Variants in MVB12B observed in about 807,000 individuals in gnomAD.
MVB12B encodes multivesicular body subunit 12B.
MVB12B carries 16 observed loss-of-function variants against 41.6 expected under a neutral mutation model. The observed-to-expected ratio is 0.38, with a 90% confidence interval of 0.26 to 0.58. The LOEUF is 0.58. MVB12B is among the 20% of genes least tolerant of loss of function. The pLI is 0.62. For synonymous variants in MVB12B, 133 were observed against 139.7 expected, an observed-to-expected ratio of 0.95 and a Z score of 0.34; for missense variants, 274 against 380.2, an observed-to-expected ratio of 0.72 and a Z score of 2.32.
chr9:126,405,599 C>T (rs1270952953), intron 6 of MVB12B, among the ~76,000 whole-genome samples: 1 of 151,958 alleles, frequency 6.6e-6, no homozygotes, highest in Non-Finnish European at 1.5e-5. Flanking sequence ...AGCGATATTT[C>T]CCAGGATTTT....
At chr9:126,368,372 A>T (rs1307817079) in intron 2 of MVB12B, among the ~76,000 whole-genome samples, 1 of 152,316 alleles carries the variant, frequency 6.6e-6, no homozygotes, top group East Asian at 1.9e-4. Context: ...AAACATTGTT[A>T]TCCCAGATTC....
chr9:126,466,312 T>C (rs917099357), intron 7 of MVB12B, among the ~76,000 whole-genome samples: 8 of 152,178 alleles, frequency 5.3e-5, no homozygotes, highest in Non-Finnish European at 1.2e-4. Context: ...GCCTGTGTAC[T>C]TGGCCGACCC....
At position 126,395,149 on chromosome 9, in the gene MVB12B, G is replaced by A. The variant is rs1374495263; in HGVS notation, c.540-426G>A. ...TGCAAGAGGCTGTATCCTGAGATTGGAGTGTGTTATAGAGTAGGGGGCTAA... is the reference window on the plus strand; with the variant it reads ...TGCAAGAGGCTGTATCCTGAGATTGAAGTGTGTTATAGAGTAGGGGGCTAA... On this transcript the variant is annotated intron_variant, in intron 5 of 9. Coordinates refer to ENST00000361171, the MANE Select transcript of MVB12B (RefSeq NM_033446.3). This position sits in a 1 kb window ranked among gnomAD's most constrained non-coding sequence, Gnocchi z 4.9. Among the ~76,000 whole-genome samples, 1 of 152,206 alleles carries A rather than the reference G, an allele frequency of 6.6e-6. No homozygotes were observed. Among genetic ancestry groups the A allele is most frequent in the Non-Finnish European group, 1.5e-5 (1 of 68,030 alleles).
At chr9:126,378,566 C>T (rs1286312562) in intron 2 of MVB12B, among the ~76,000 whole-genome samples, 3 of 152,068 alleles carry the variant, frequency 2.0e-5, no homozygotes, top group Non-Finnish European at 4.4e-5. Flanking sequence ...CTTCTCTGCC[C>T]AGTACTGCCT....
At chr9:126,466,268 A>G (rs1833196132) in intron 7 of MVB12B, among the ~76,000 whole-genome samples, 1 of 152,112 alleles carries the variant, frequency 6.6e-6, no homozygotes, top group South Asian at 2.1e-4. Context: ...TGTTTGCTCC[A>G]CGTGATCTCT....
In MVB12B at chr9:126,436,367, T is replaced by A. The variant is rs549224991; in HGVS notation, c.757+14419T>A. ...ATTGGGAAAAAGAACCTACAAGTTA[T>A]GAACTTTGCAGAGCAGCAGTTCTTA... On this transcript the variant is annotated intron_variant, in intron 7 of 9. Coordinates refer to ENST00000361171, the MANE Select transcript of MVB12B (RefSeq NM_033446.3). This position sits in a 1 kb window ranked among gnomAD's most constrained non-coding sequence, Gnocchi z 4.1. Among the ~76,000 whole-genome samples the A allele has an allele frequency of 3.6e-4, 55 of 152,358 alleles. No individual in the cohort carries two copies. The highest frequency in any genetic ancestry group is 3.1e-3 in the Admixed American group (48 of 15,308).
At position 126,410,141 on chromosome 9, in the gene MVB12B, TTGTGTG is replaced by T. The variant is rs3222493; in HGVS notation, c.663-11686_663-11681del. 5.3e-3 allele frequency among the ~76,000 whole-genome samples: 790 copies of T among 148,518 alleles called. 4 individuals carry two copies. The highest frequency in any genetic ancestry group is 0.038 in the Middle Eastern group (11 of 290). The stretch of plus-strand genomic sequence containing the variant: ...TTGTCCAATGCACAGTGATTTGGTT[TTGTGTG>T]TGTGTGTGTGTGTGTGTGTGTGTGT... On this transcript the variant is annotated intron_variant, in intron 6 of 9. Coordinates refer to ENST00000361171, the MANE Select transcript of MVB12B (RefSeq NM_033446.3).
chr9:126,495,357 C>T (rs540787903), intron 9 of MVB12B, among the ~76,000 whole-genome samples: 1 of 152,158 alleles, frequency 6.6e-6, no homozygotes, highest in South Asian at 2.1e-4. Flanking sequence ...GAGAGCGAGG[C>T]GAGAGCAAGT....
At chr9:126,400,217 G>C (rs1411663907) in intron 6 of MVB12B, among the ~76,000 whole-genome samples, 1 of 152,252 alleles carries the variant, frequency 6.6e-6, no homozygotes, top group Non-Finnish European at 1.5e-5. Context: ...AATGGCAGGA[G>C]AGAAAGTAGA....
rs1328672557 is a variant in MVB12B, at chr9:126,333,940, A to G, written c.82-6568A>G. The stretch of plus-strand genomic sequence containing the variant: ...CTGCTCTCTTGTACTTAAATTTTGG[A>G]CTGTAGACCAGCTGTTTTAGTGTCA... On this transcript the variant is annotated intron_variant, in intron 1 of 9. Transcript: ENST00000361171. The surrounding 1 kb of genome is among the most constrained non-coding windows in gnomAD (Gnocchi z 4.7). Among the ~76,000 whole-genome samples the G allele has an allele frequency of 6.6e-6, 1 of 152,072 alleles. No homozygotes were observed. Among genetic ancestry groups the G allele is most frequent in the African/African-American group, 2.4e-5 (1 of 41,394 alleles).
chr9:126,501,489 G>A (rs916493182), intron 9 of MVB12B, among the ~76,000 whole-genome samples: 4 of 152,324 alleles, frequency 2.6e-5, no homozygotes, highest in Admixed American at 1.3e-4. Flanking sequence ...CCGTGCACAC[G>A]GGGACAGAGC....
At position 126,404,326 on chromosome 9, in the gene MVB12B, T is replaced by G. The variant is rs576153941; in HGVS notation, c.662+8629T>G. On this transcript the variant is annotated intron_variant, in intron 6 of 9. Transcript: ENST00000361171. ...CAGCCCAGGTTTAAGTTGAGGAAAC[T>G]GAGGGTGAGGAGGTTAAATCCCTTG... Among the ~76,000 whole-genome samples the G allele has an allele frequency of 3.6e-4, 55 of 152,296 alleles. No individual in the cohort carries two copies. The South Asian group carries it at 9.3e-3, about 26-fold the overall frequency.
chr9:126,376,944 T>G lies in MVB12B; in HGVS notation c.205-4120T>G, dbSNP rs1830496658. On this transcript the variant is annotated intron_variant, in intron 2 of 9. Transcript: ENST00000361171. This position sits in a 1 kb window ranked among gnomAD's most constrained non-coding sequence, Gnocchi z 4.1. ...CCACCCCAATGGTGTCTGGTGATTCTGGATCCTGGGGCTCTGCTCAGTATC... is the reference window on the plus strand; with the variant it reads ...CCACCCCAATGGTGTCTGGTGATTCGGGATCCTGGGGCTCTGCTCAGTATC... 6.6e-6 allele frequency among the ~76,000 whole-genome samples: 1 copy of G among 151,580 alleles called. No homozygotes were observed. The highest frequency in any genetic ancestry group is 1.5e-5 in the Non-Finnish European group (1 of 67,864).
intron 6 of MVB12B, among the ~76,000 whole-genome samples, chr9:126,414,340 C>G (rs994570330): frequency 6.6e-6 from 1 of 152,156 alleles, no homozygotes; most frequent in African/African-American, 2.4e-5. Context: ...AACAGCCAAT[C>G]CCTCCTGCAG....
In MVB12B at chr9:126,474,221, C is replaced by T. The variant is rs1343291500; in HGVS notation, c.758-7148C>T. ...CCAGCTCTGCCTCCATCCAGCTCCTCGAACAGCATGTCACCCTGCATGGGA... is the reference window on the plus strand; with the variant it reads ...CCAGCTCTGCCTCCATCCAGCTCCTTGAACAGCATGTCACCCTGCATGGGA... On this transcript the variant is annotated intron_variant, in intron 7 of 9. Transcript: ENST00000361171. Among the ~76,000 whole-genome samples, 6 of 152,160 alleles carry T rather than the reference C, an allele frequency of 3.9e-5. No homozygotes were observed. The East Asian group carries it at 5.8e-4, about 15-fold the overall frequency.
intron 2 of MVB12B, among the ~76,000 whole-genome samples, chr9:126,352,097 A>C (rs1829766326): frequency 6.6e-6 from 1 of 152,140 alleles, no homozygotes; most frequent in African/African-American, 2.4e-5. Context: ...ATTCTCTTTG[A>C]TAACAGATTG....
intron 6 of MVB12B, among the ~76,000 whole-genome samples, chr9:126,405,499 GTC>G (rs1254734408): frequency 1.3e-5 from 2 of 152,146 alleles, no homozygotes. Flanking sequence ...GAAGCTGACA[GTC>G]TATTTGCAGG....
chr9:126,426,851 C>G (rs1308613217), intron 7 of MVB12B: 1 of 152,342 alleles, frequency 6.6e-6, no homozygotes, highest in Non-Finnish European at 1.5e-5. Context: ...TTCTCTTAAG[C>G]CCGAAGAGCT....
Position 126,505,729 on chromosome 9 carries a change from G to T in MVB12B, c.*2466G>T, listed in dbSNP as rs1219798359. On this transcript the variant is annotated 3_prime_UTR_variant, in exon 10 of 10. Transcript: ENST00000361171. The stretch of plus-strand genomic sequence containing the variant: ...GCGTGTGTATAAGCCCACCTGAGTG[G>T]GGCTCGTGCAGGAGAACTGAGGCAT... 6.6e-6 allele frequency: 1 copy of T among 152,092 alleles called. No homozygotes were observed. The highest frequency in any genetic ancestry group is 1.5e-5 in the Non-Finnish European group (1 of 68,040). 9.4% of individuals were successfully genotyped at this position (152,092 alleles called of 1,614,324 possible).
Sources: gnomAD v4.1 joint callset for allele counts (sites outside exome capture counted in the v4.1 genomes callset) on GRCh38, gnomAD v4.1.1 for gene constraint, Gnocchi (gnomAD v3.1) non-coding constraint, MANE v1.5 for transcripts, NCBI Gene and HGNC (gene_info 2026-07-23, HGNC 2026-07-21) for gene names.